Variants in DOCK6 observed in about 807,000 individuals in gnomAD.
DOCK6 encodes dedicator of cytokinesis 6, also known as dedicator of cytokinesis protein 6.
Under a neutral mutation model 230.3 loss-of-function variants are expected in DOCK6, and 167 were observed. The ratio of observed to expected loss-of-function variants is 0.73; its 90% CI spans 0.64 to 0.82. The LOEUF (loss-of-function observed/expected upper bound fraction) is 0.82, where lower values mean the gene tolerates loss of function less well. DOCK6 is among the 40% of genes least tolerant of loss of function. The pLI, the probability that DOCK6 is intolerant of heterozygous loss-of-function variation, is 0.00. For synonymous variants in DOCK6, 1,148 were observed against 1,185.0 expected, an observed-to-expected ratio of 0.97 and a Z score of 0.64; for missense variants, 2,598 against 2,825.8, an observed-to-expected ratio of 0.92 and a Z score of 1.83.
Position 11,222,051 on chromosome 19 carries a change from T to C in DOCK6, c.3381-31A>G. The stretch of plus-strand genomic sequence containing the variant: ...GGGTAATGAGGTGCTCAGGACAGGG[T>C]GGACATGGCTCCTGGACTGTCCCAC... On this transcript the variant is annotated intron_variant, in intron 27 of 47. Transcript: ENST00000294618. This position sits in a 1 kb window ranked among gnomAD's most constrained non-coding sequence, Gnocchi z 4.0. 1 of 1,605,160 alleles carries C rather than the reference T, an allele frequency of 6.2e-7. No homozygotes were observed. Among genetic ancestry groups the C allele is most frequent in the Non-Finnish European group, 8.5e-7 (1 of 1,173,110 alleles).
At chr19:11,244,196 CA>C (rs2079996968) in intron 9 of DOCK6, among the ~76,000 whole-genome samples, 1 of 151,240 alleles carries the variant, frequency 6.6e-6, no homozygotes, top group South Asian at 2.1e-4. Flanking sequence ...TATATAGAGA[CA>C]GGGGTCTCGC....
Position 11,243,020 on chromosome 19 carries a change from T to G in DOCK6, c.1480+39A>C. The G allele has an allele frequency of 3.1e-6, 5 of 1,609,298 alleles. No individual in the cohort carries two copies. Among genetic ancestry groups the G allele is most frequent in the Non-Finnish European group, 4.2e-6 (5 of 1,177,256 alleles). On this transcript the variant is annotated intron_variant, in intron 13 of 47. Coordinates refer to ENST00000294618, the MANE Select transcript of DOCK6 (RefSeq NM_020812.4). This position sits in a 1 kb window ranked among gnomAD's most constrained non-coding sequence, Gnocchi z 6.3. ...AGTGTAGGTTTGTTGAGTGGCTGAG[T>G]GAGAGTGATACTTCTTGTGTATGGG...
intron 1 of DOCK6, among the ~76,000 whole-genome samples, chr19:11,256,208 G>T (rs2080195398): frequency 6.6e-6 from 1 of 152,168 alleles, no homozygotes; most frequent in African/African-American, 2.4e-5. Flanking sequence ...AATTCCTAAA[G>T]TCGGGCTGCT....
rs1319998517 is a variant in DOCK6, at chr19:11,243,519, T to C, written c.1258+38A>G. ...GCCCCAGGCCTGTCAGCACCACCCTTTAGCCCCGCCCCAAGCCTGTTAGCC... is the reference window on the plus strand; with the variant it reads ...GCCCCAGGCCTGTCAGCACCACCCTCTAGCCCCGCCCCAAGCCTGTTAGCC... On this transcript the variant is annotated intron_variant, in intron 11 of 47. Transcript: ENST00000294618. This position sits in a 1 kb window ranked among gnomAD's most constrained non-coding sequence, Gnocchi z 6.3. The C allele has an allele frequency of 6.4e-7, 1 of 1,564,174 alleles. No individual in the cohort carries two copies. Among genetic ancestry groups the C allele is most frequent in the Non-Finnish European group, 8.6e-7 (1 of 1,156,780 alleles).
At chr19:11,224,202 CT>C (rs35851370) in intron 24 of DOCK6, among the ~76,000 whole-genome samples, 2 of 146,702 alleles carry the variant, frequency 1.4e-5, no homozygotes, top group Non-Finnish European at 1.5e-5. Context: ...TTCTTTCTTT[CT>C]TTCTTTCTTT....
At chr19:11,230,853 C>T (rs1169679986) in intron 22 of DOCK6, among the ~76,000 whole-genome samples, 4 of 152,094 alleles carry the variant, frequency 2.6e-5, no homozygotes, top group East Asian at 1.9e-4. Context: ...GCTCCACTCT[C>T]GCTTCCTCCT....
At chr19:11,205,564 C>G (rs1324316839) in intron 39 of DOCK6, among the ~76,000 whole-genome samples, 1 of 152,094 alleles carries the variant, frequency 6.6e-6, no homozygotes, top group South Asian at 2.1e-4. Context: ...AGGCTGGTCT[C>G]GAACTCCTGA....
chr19:11,239,788 G>T (rs142800818), intron 14 of DOCK6: 3 of 1,609,374 alleles, frequency 1.9e-6, no homozygotes, highest in Admixed American at 3.4e-5. Flanking sequence ...GGCCCTCAAC[G>T]GTGTGTACAG....
chr19:11,240,602 GAC>G (rs1199706535), intron 14 of DOCK6, among the ~76,000 whole-genome samples: 4 of 144,470 alleles, frequency 2.8e-5, no homozygotes, highest in Non-Finnish European at 6.0e-5. Flanking sequence ...TTTTTTTTGA[GAC>G]AGAGTCTCAC....
intron 1 of DOCK6, among the ~76,000 whole-genome samples, chr19:11,254,933 C>T (rs2087210424): frequency 6.6e-6 from 1 of 152,184 alleles, no homozygotes; most frequent in Non-Finnish European, 1.5e-5. Flanking sequence ...CTCCTGCTCC[C>T]TGGGGTCTCT....
intron 28 of DOCK6, among the ~76,000 whole-genome samples, chr19:11,219,081 G>A (rs1327757195): frequency 6.8e-6 from 1 of 146,206 alleles, no homozygotes; most frequent in African/African-American, 2.5e-5. Flanking sequence ...GTTTCACTAT[G>A]TTGGCCAGGC....
At chr19:11,225,220 T>A (rs1310014055) in intron 24 of DOCK6, among the ~76,000 whole-genome samples, 1 of 151,934 alleles carries the variant, frequency 6.6e-6, no homozygotes. Flanking sequence ...AGAGCAAGAC[T>A]CCATCTCAAA....
intron 1 of DOCK6, among the ~76,000 whole-genome samples, chr19:11,254,286 G>C (rs1471659035): frequency 6.6e-6 from 1 of 152,232 alleles, no homozygotes; most frequent in Non-Finnish European, 1.5e-5. Context: ...CATTGTGTCA[G>C]AGGTCAACCT....
In DOCK6 at chr19:11,222,461, G is replaced by A. The variant is rs558552039; in HGVS notation, c.3241-213C>T. The A allele has an allele frequency of 2.2e-4, 169 of 751,278 alleles. 1 individual carries two copies. The African/African-American group carries it at 2.4e-3, about 11-fold the overall frequency. 46.5% of individuals were successfully genotyped at this position (751,278 alleles called of 1,614,324 possible). A position where few individuals can be genotyped will look rare whatever the true frequency, so the allele number is the denominator to read the frequency against. On this transcript the variant is annotated intron_variant, in intron 26 of 47. Transcript: ENST00000294618. This position sits in a 1 kb window ranked among gnomAD's most constrained non-coding sequence, Gnocchi z 4.0. Reference sequence around the variant, plus strand: ...ACCCATCTGTGATGTAACAGGGCACGGAGTCAAAAGTCAGAGGACTGAGAA... The same window carrying A: ...ACCCATCTGTGATGTAACAGGGCACAGAGTCAAAAGTCAGAGGACTGAGAA...
chr19:11,199,460 G>A lies in DOCK6; in HGVS notation c.*37C>T, dbSNP rs865927399. On this transcript the variant is annotated 3_prime_UTR_variant, in exon 48 of 48. Transcript: ENST00000294618. Reference sequence around the variant, plus strand: ...CAGCACAGACAGCTGAGGCCCGGGTGCTGGTTCCTCTAGGTACAGCTTTGG... The same window carrying A: ...CAGCACAGACAGCTGAGGCCCGGGTACTGGTTCCTCTAGGTACAGCTTTGG... The A allele has an allele frequency of 1.9e-6, 3 of 1,562,798 alleles. No individual in the cohort carries two copies. Among genetic ancestry groups the A allele is most frequent in the Admixed American group, 1.9e-5 (1 of 52,172 alleles).
rs575709534 is a variant in DOCK6, at chr19:11,204,150, ATGAGGAGTGGGGC to A, written c.5220+37_5220+49del. On this transcript the variant is annotated intron_variant, in intron 40 of 47. Coordinates refer to ENST00000294618, the MANE Select transcript of DOCK6 (RefSeq NM_020812.4). ...AGATCCCTGGGGATGAGGAGTGGGG[ATGAGGAGTGGGGC>A]TGAGGGTGGGGTCTGGGGAGGGGGT... The A allele has an allele frequency of 8.1e-4, 653 of 805,108 alleles. 1 individual carries two copies. In the African/African-American group the frequency reaches 0.012, roughly 15 times the overall value. 49.9% of individuals were successfully genotyped at this position (805,108 alleles called of 1,614,324 possible). A position where few individuals can be genotyped will look rare whatever the true frequency, so the allele number is the denominator to read the frequency against.
At chr19:11,204,121 C>T (rs760343830) in intron 40 of DOCK6, 26 bp from the exon 41 acceptor site, 2 of 1,526,130 alleles carry the variant, frequency 1.3e-6, no homozygotes, top group Non-Finnish European at 8.8e-7. Flanking sequence ...GGGTCAAGGT[C>T]AGCAGATCCC....
chr19:11,261,567 T>C (rs918955879), intron 1 of DOCK6, among the ~76,000 whole-genome samples: 2 of 151,868 alleles, frequency 1.3e-5, no homozygotes, highest in African/African-American at 2.4e-5. Flanking sequence ...AACGCACCCT[T>C]GTCGCAAAGA....
chr19:11,262,522 GGCGGGGCCGGC>G (rs1354095501), exon 1 of DOCK6: 9 of 899,100 alleles, frequency 1.0e-5, no homozygotes, highest in South Asian at 9.9e-5. Context: ...GCCGGGGCGG[GGCGGGGCCGGC>G]GCGGGGGCGG....
Sources: allele counts gnomAD v4.1 joint callset (sites outside exome capture counted in the v4.1 genomes callset), GRCh38; gene constraint gnomAD v4.1.1; non-coding constraint Gnocchi (gnomAD v3.1); transcripts MANE v1.5; gene names NCBI Gene and HGNC (gene_info 2026-07-23, HGNC 2026-07-21).